SLC9A7: variants seen among roughly 807,000 people sequenced by gnomAD.
SLC9A7 encodes the protein solute carrier family 9 member A7.
A neutral mutation model predicts 52.6 loss-of-function variants in SLC9A7; 19 were observed. That is an observed-to-expected ratio of 0.36 (90% CI 0.25 to 0.53). The LOEUF (loss-of-function observed/expected upper bound fraction) is 0.53. SLC9A7 is among the 20% of genes least tolerant of loss of function. The pLI, the probability that SLC9A7 is intolerant of heterozygous loss-of-function variation, is 0.91. For missense variants in SLC9A7, 455 were observed against 597.9 expected (o/e 0.76, Z 2.49); for synonymous variants, 226 against 252.1 (o/e 0.90, Z 0.98).
intron 1 of SLC9A7, among the ~76,000 whole-genome samples, chrX:46,743,581 A>G (rs1921525665): frequency 1.8e-5 from 2 of 110,615 alleles, no homozygotes; most frequent in Non-Finnish European, 3.8e-5. Flanking sequence ...GCTCACATTT[A>G]CTCTTTCAGG....
At chrX:46,733,118 G>A (rs915281752) in intron 1 of SLC9A7, among the ~76,000 whole-genome samples, 3 of 111,953 alleles carry the variant, frequency 2.7e-5, no homozygotes, top group African/African-American at 6.5e-5. Context: ...ATGGAGAGTT[G>A]GGGGTGAGGT....
chrX:46,755,507 G>A (rs1281218514), intron 1 of SLC9A7, among the ~76,000 whole-genome samples: 9 of 111,103 alleles, frequency 8.1e-5, no homozygotes, highest in South Asian at 7.6e-4. Context: ...AGAAGTAGGC[G>A]TCAAATTGAG....
At chrX:46,673,830 G>A (rs760902504) in intron 3 of SLC9A7, among the ~76,000 whole-genome samples, 26 of 111,854 alleles carry the variant, frequency 2.3e-4, no homozygotes, top group Non-Finnish European at 4.7e-4. Flanking sequence ...AGGAATGCCT[G>A]CTGCCCCTAA....
At chrX:46,688,059 ATATTT>A (rs1470952543) in intron 1 of SLC9A7, among the ~76,000 whole-genome samples, 1 of 112,207 alleles carries the variant, frequency 8.9e-6, no homozygotes, top group Non-Finnish European at 1.9e-5. Flanking sequence ...CCAGTGTATC[ATATTT>A]TATTTGTCCA....
chrX:46,614,219 T>G (rs1373743766), intron 15 of SLC9A7, among the ~76,000 whole-genome samples: 1 of 111,706 alleles, frequency 9.0e-6, no homozygotes, highest in Non-Finnish European at 1.9e-5. Flanking sequence ...AAGCCAAAAA[T>G]GCATTTAACA....
chrX:46,619,425 TATGTACATCAAAAGAC>T (rs1473883266), intron 15 of SLC9A7, among the ~76,000 whole-genome samples: 1 of 111,608 alleles, frequency 9.0e-6, no homozygotes, highest in Non-Finnish European at 1.9e-5. Flanking sequence ...AAAATATGTA[TATGTACATCAAAAGAC>T]ATGTACATCA....
intron 1 of SLC9A7, among the ~76,000 whole-genome samples, chrX:46,714,593 C>G (rs908268216): frequency 2.7e-5 from 3 of 111,455 alleles, no homozygotes; most frequent in Non-Finnish European, 5.6e-5. Context: ...AGATCCCCGA[C>G]AAATATTTTT....
chrX:46,682,737 G>A (rs961409181), intron 1 of SLC9A7, among the ~76,000 whole-genome samples: 1 of 110,943 alleles, frequency 9.0e-6, no homozygotes, highest in African/African-American at 3.3e-5. Context: ...GATTTAAGTT[G>A]CTCGGCCACC....
chrX:46,737,162 A>G (rs968958128), intron 1 of SLC9A7, among the ~76,000 whole-genome samples: 2 of 111,627 alleles, frequency 1.8e-5, no homozygotes, highest in African/African-American at 6.5e-5. Flanking sequence ...AGATGGAGAG[A>G]TATCTAGGCA....
intron 3 of SLC9A7, among the ~76,000 whole-genome samples, chrX:46,673,183 G>A (rs747773073): frequency 8.1e-5 from 9 of 111,265 alleles, no homozygotes; most frequent in Non-Finnish European, 1.1e-4. Context: ...TGGGAAAGAG[G>A]GACAATAGAG....
chrX:46,672,118 T>C (rs970542885), intron 4 of SLC9A7, among the ~76,000 whole-genome samples: 1 of 112,233 alleles, frequency 8.9e-6, no homozygotes, highest in African/African-American at 3.2e-5. Context: ...CTTCAGCCAT[T>C]GTGGGGCGGC....
At chrX:46,749,963 C>CCACCTAT (rs1922114452) in intron 1 of SLC9A7, among the ~76,000 whole-genome samples, 1 of 110,237 alleles carries the variant, frequency 9.1e-6, no homozygotes, top group South Asian at 3.9e-4. Context: ...TGCCTGTAAT[C>CCACCTAT]CCAGCTAGTC....
chrX:46,743,699 C>T (rs1921533072), intron 1 of SLC9A7, among the ~76,000 whole-genome samples: 1 of 111,540 alleles, frequency 9.0e-6, no homozygotes, highest in Non-Finnish European at 1.9e-5. Context: ...GTCTTTCTGG[C>T]ACATCATCAA....
chrX:46,623,738 A>C (rs1171557940), intron 14 of SLC9A7, among the ~76,000 whole-genome samples: 1 of 112,368 alleles, frequency 8.9e-6, no homozygotes, highest in African/African-American at 3.2e-5. Flanking sequence ...GTTGTGATAG[A>C]ACAAGAAATA....
chrX:46,648,436 C>T lies in SLC9A7; in HGVS notation c.1462+250G>A, dbSNP rs143132623. ...ACTTTAAACACCATATCTCCAGGTCCGTTGAGTGGTAGTGATGAAATAGAA... is the reference window on the plus strand; with the variant it reads ...ACTTTAAACACCATATCTCCAGGTCTGTTGAGTGGTAGTGATGAAATAGAA... On this transcript the variant is annotated intron_variant, in intron 11 of 16. Coordinates refer to ENST00000616978, the MANE Select transcript of SLC9A7 (RefSeq NM_001257291.2). Among the ~76,000 whole-genome samples, 7 of 111,202 alleles carry T rather than the reference C, an allele frequency of 6.3e-5. No individual in the cohort carries two copies. In the East Asian group the frequency reaches 2.0e-3, roughly 31 times the overall value.
At position 46,718,438 on chromosome X, in the gene SLC9A7, T is replaced by C. The variant is rs867801129; in HGVS notation, c.326-35903A>G. 3.4e-4 allele frequency among the ~76,000 whole-genome samples: 38 copies of C among 111,777 alleles called. 1 individual carries two copies. Among genetic ancestry groups the C allele is most frequent in the Middle Eastern group, 4.6e-3 (1 of 217 alleles). On this transcript the variant is annotated intron_variant, in intron 1 of 16. Coordinates refer to ENST00000616978, the MANE Select transcript of SLC9A7 (RefSeq NM_001257291.2). ...AAAGCAATGGCAACAAAAGCCAAAA[T>C]TGACAAATGGGATCTAATTAAACTA...
chrX:46,633,425 T>C lies in SLC9A7; in HGVS notation c.1677-1776A>G, dbSNP rs574850523. Among the ~76,000 whole-genome samples the C allele has an allele frequency of 1.3e-3, 129 of 98,576 alleles. 1 individual carries two copies. In the South Asian group the frequency reaches 0.056, roughly 43 times the overall value. The allele number at this position is 98,576 out of a possible 115,157, so 85.6% of individuals were successfully genotyped here. On this transcript the variant is annotated intron_variant, in intron 13 of 16. Coordinates refer to ENST00000616978, the MANE Select transcript of SLC9A7 (RefSeq NM_001257291.2). ...CACAAATAATGTTTTGCACTTTTTT[T>C]CCCCTATTCAAGGTTGTTTACTTTA...
At chrX:46,643,214 T>A (rs1451212969) in intron 12 of SLC9A7, 22 bp downstream of exon 12, 2 of 1,191,672 alleles carry the variant, frequency 1.7e-6, no homozygotes, top group East Asian at 6.0e-5. Flanking sequence ...ACATACTCAA[T>A]TAGCCTTGGT....
At chrX:46,665,880 G>T (rs1021336950) in intron 5 of SLC9A7, among the ~76,000 whole-genome samples, 11 of 110,085 alleles carry the variant, frequency 1.0e-4, no homozygotes, top group African/African-American at 3.6e-4. Flanking sequence ...TTGTGGATCC[G>T]TCTAAAACAA....
Sources: gnomAD v4.1 joint callset for allele counts (sites outside exome capture counted in the v4.1 genomes callset) on GRCh38, gnomAD v4.1.1 for gene constraint, MANE v1.5 for transcripts, NCBI Gene and HGNC (gene_info 2026-07-23, HGNC 2026-07-21) for gene names.